The following ADAMTSL3 variants were observed in gnomAD, a reference collection of about 807,000 sequenced individuals.
The protein encoded by ADAMTSL3 is ADAMTS-like protein 3.
A neutral mutation model predicts 201.7 loss-of-function variants in ADAMTSL3; 128 were observed. The ratio of observed to expected loss-of-function variants is 0.63; its 90% CI spans 0.55 to 0.73. ADAMTSL3 has a LOEUF of 0.73. ADAMTSL3 is among the 30% of genes least tolerant of loss of function. The pLI, the probability that ADAMTSL3 is intolerant of heterozygous loss-of-function variation, is 0.00. For synonymous variants in ADAMTSL3, 738 were observed against 748.4 expected (o/e 0.99, Z 0.23); for missense variants, 1,990 against 2,119.6 (o/e 0.94, Z 1.20).
At chr15:83,893,032 A>G (rs772798376) in intron 13 of ADAMTSL3, 144 bp downstream of exon 13, 29 of 730,918 alleles carry the variant, frequency 4.0e-5, no homozygotes, top group Non-Finnish European at 6.2e-5. Context: ...GCTTAGGAAG[A>G]CAGTTGGAGG....
intron 3 of ADAMTSL3, among the ~76,000 whole-genome samples, chr15:83,717,164 A>C (rs1404631563): frequency 6.6e-6 from 1 of 152,204 alleles, no homozygotes; most frequent in African/African-American, 2.4e-5. Flanking sequence ...TTAAAGGAGT[A>C]GTCATTCATT....
At chr15:83,898,389 A>T (rs2065659213) in intron 14 of ADAMTSL3, among the ~76,000 whole-genome samples, 1 of 152,214 alleles carries the variant, frequency 6.6e-6, no homozygotes. Flanking sequence ...AAACAGAGGA[A>T]GAAGTAGAGG....
At chr15:84,019,076 T>TACACACACACACACACACACAC (rs71453219) in intron 25 of ADAMTSL3, among the ~76,000 whole-genome samples, 5 of 139,152 alleles carry the variant, frequency 3.6e-5, no homozygotes, top group Admixed American at 1.4e-4. Context: ...CACACACACA[T>TACACACACACACACACACACAC]ACACACACAC....
At chr15:83,772,831 G>C (rs564050421) in intron 3 of ADAMTSL3, among the ~76,000 whole-genome samples, 1 of 151,788 alleles carries the variant, frequency 6.6e-6, no homozygotes, top group Non-Finnish European at 1.5e-5. Context: ...TTGGCCTCCC[G>C]AGTAGCTGGG....
At chr15:83,874,908 C>T (rs1358419825) in intron 9 of ADAMTSL3, among the ~76,000 whole-genome samples, 1 of 145,424 alleles carries the variant, frequency 6.9e-6, no homozygotes, top group Non-Finnish European at 1.5e-5. Flanking sequence ...TCCGGAAGCC[C>T]GGTAGGCGTT....
intron 6 of ADAMTSL3, among the ~76,000 whole-genome samples, chr15:83,831,749 A>G (rs1443792894): frequency 6.6e-6 from 1 of 151,838 alleles, no homozygotes; most frequent in African/African-American, 2.4e-5. Context: ...TCCCCTCCCC[A>G]CCTCAAATAC....
rs1444082255 is a variant in ADAMTSL3 at position 83,773,615 on chromosome 15, A to G, written c.282A>G (p.Gly94=). The change falls in exon 4 of 30, where the codon GGA becomes GGG. Residue 94 remains glycine, a synonymous_variant. Coordinates refer to ENST00000286744, the MANE Select transcript of ADAMTSL3 (RefSeq NM_207517.3). ...WSDCSRTCGG[G]ASYSLRRCLT... is the part of the protein sequence containing the mutation. Reference sequence around the variant, plus strand: ...ACTGCTCCCGGACCTGTGGGGGAGGAGCATCATATTCTCTGCGGAGATGTT... The same window carrying G: ...ACTGCTCCCGGACCTGTGGGGGAGGGGCATCATATTCTCTGCGGAGATGTT... 1 of 1,612,026 alleles carries G rather than the reference A, an allele frequency of 6.2e-7. No homozygotes were observed. The highest frequency in any genetic ancestry group is 8.5e-7 in the Non-Finnish European group (1 of 1,179,536).
rs1359815917 is a variant in ADAMTSL3, at chr15:83,717,366, A to G, written c.189+12858A>G. On this transcript the variant is annotated intron_variant, in intron 3 of 29. Transcript: ENST00000286744. ...GCCCTTTATTAAGCAACCTGCATGT[A>G]TAAGAACTGTATGAGATATGCCCTG... 4 of 152,254 alleles carry G rather than the reference A, an allele frequency of 2.6e-5. No individual in the cohort carries two copies. The South Asian group carries it at 8.3e-4, about 32-fold the overall frequency. 9.4% of individuals were successfully genotyped at this position (152,254 alleles called of 1,614,324 possible).
chr15:83,784,945 A>G (rs907777429), intron 4 of ADAMTSL3, among the ~76,000 whole-genome samples: 3 of 152,102 alleles, frequency 2.0e-5, no homozygotes, highest in Non-Finnish European at 4.4e-5. Flanking sequence ...ACATTATTTC[A>G]ACACTCATTG....
chr15:83,683,977 G>A (rs1262381831), intron 2 of ADAMTSL3, among the ~76,000 whole-genome samples: 1 of 152,094 alleles, frequency 6.6e-6, no homozygotes. Flanking sequence ...TTTCTCCCTT[G>A]CATAATAGTA....
intron 27 of ADAMTSL3, among the ~76,000 whole-genome samples, chr15:84,025,868 T>A (rs1435768146): frequency 6.6e-6 from 1 of 152,194 alleles, no homozygotes; most frequent in South Asian, 2.1e-4. Context: ...TATAACACAT[T>A]ATTGAAACAC....
chr15:83,942,500 G>A, intron 17 of ADAMTSL3, 96 bp from the exon 18 acceptor site: 1 of 1,175,052 alleles, frequency 8.5e-7, no homozygotes, highest in Non-Finnish European at 1.2e-6. Context: ...TGTGAAGTCT[G>A]GAAGCCCAGA....
intron 9 of ADAMTSL3, among the ~76,000 whole-genome samples, chr15:83,879,077 T>C (rs1158162740): frequency 3.9e-5 from 6 of 152,226 alleles, no homozygotes. Flanking sequence ...TTATTATTTG[T>C]TCACTTTCTG....
chr15:83,929,701 G>C (rs111327141), intron 17 of ADAMTSL3, among the ~76,000 whole-genome samples: 1,963 of 108,708 alleles, frequency 0.018, 41 homozygotes, highest in African/African-American at 0.05. Context: ...CACACACACA[G>C]AGAGAGACAG....
At chr15:83,724,815 G>C (rs982659978) in intron 3 of ADAMTSL3, among the ~76,000 whole-genome samples, 5 of 151,934 alleles carry the variant, frequency 3.3e-5, no homozygotes, top group Non-Finnish European at 7.4e-5. Flanking sequence ...TTGTCTTTCT[G>C]TACCTGGTTT....
rs144999367 is a variant in ADAMTSL3 at position 83,921,187 on chromosome 15, T to A, written c.1988-2717T>A. Among the ~76,000 whole-genome samples, 26 of 152,290 alleles carry A rather than the reference T, an allele frequency of 1.7e-4. No individual in the cohort carries two copies. The East Asian group carries it at 5.0e-3, about 29-fold the overall frequency. On this transcript the variant is annotated intron_variant, in intron 16 of 29. Transcript: ENST00000286744. Reference sequence around the variant, plus strand: ...ATTCTAGTGTGTGGAGTTGGGGAGTTCAATTGTTTATTATTCACTTATGTT... The same window carrying A: ...ATTCTAGTGTGTGGAGTTGGGGAGTACAATTGTTTATTATTCACTTATGTT...
At chr15:83,992,022 T>C (rs1357800526) in intron 23 of ADAMTSL3, among the ~76,000 whole-genome samples, 2 of 152,200 alleles carry the variant, frequency 1.3e-5, no homozygotes, top group African/African-American at 4.8e-5. Flanking sequence ...CAAATTGAGA[T>C]ATACTCTTTT....
chr15:83,974,698 A>C (rs750253679), intron 20 of ADAMTSL3, among the ~76,000 whole-genome samples: 3 of 152,210 alleles, frequency 2.0e-5, no homozygotes, highest in African/African-American at 7.2e-5. Flanking sequence ...TTAGAAATCT[A>C]CCTATCTTGG....
intron 3 of ADAMTSL3, among the ~76,000 whole-genome samples, chr15:83,747,486 A>G (rs1166891838): frequency 2.6e-5 from 4 of 151,094 alleles, no homozygotes; most frequent in Non-Finnish European, 5.9e-5. Context: ...AGATCTGTCC[A>G]CAAGTGTGAG....
Sources: allele counts gnomAD v4.1 joint callset (sites outside exome capture counted in the v4.1 genomes callset), GRCh38; gene constraint gnomAD v4.1.1; transcripts MANE v1.5; gene names NCBI Gene and HGNC (gene_info 2026-07-23, HGNC 2026-07-21).